Variants in GMDS observed in about 807,000 individuals in gnomAD.
GMDS encodes the protein GDP-mannose 4,6 dehydratase.
Under a neutral mutation model 49.9 loss-of-function variants are expected in GMDS, and 20 were observed. The observed-to-expected ratio is 0.40, with a 90% confidence interval of 0.28 to 0.58. GMDS has a LOEUF of 0.58. GMDS is among the 20% of genes least tolerant of loss of function. The pLI, the probability that GMDS is intolerant of heterozygous loss-of-function variation, is 0.42. For missense variants in GMDS, 362 were observed against 481.4 expected (o/e 0.75, Z 2.32); for synonymous variants, 177 against 178.6 (o/e 0.99, Z 0.07).
chr6:2,009,546 T>A (rs1226484348), intron 4 of GMDS, among the ~76,000 whole-genome samples: 1 of 152,042 alleles, frequency 6.6e-6, no homozygotes, highest in African/African-American at 2.4e-5. Context: ...GGCAGGAGGG[T>A]CTCTTTCACA....
At chr6:2,107,782 C>T (rs1002955217) in intron 4 of GMDS, among the ~76,000 whole-genome samples, 4 of 152,208 alleles carry the variant, frequency 2.6e-5, no homozygotes, top group African/African-American at 7.2e-5. Flanking sequence ...TGTAAGAGAG[C>T]TAATTCTTCT....
intron 4 of GMDS, among the ~76,000 whole-genome samples, chr6:2,093,471 A>T (rs965816882): frequency 1.3e-5 from 2 of 152,202 alleles, no homozygotes; most frequent in Admixed American, 1.3e-4. Flanking sequence ...AAAAACTAGT[A>T]ATAGTTGTTA....
chr6:1,662,888 T>C (rs1475507233), intron 9 of GMDS, among the ~76,000 whole-genome samples: 1 of 152,202 alleles, frequency 6.6e-6, no homozygotes, highest in Non-Finnish European at 1.5e-5. Flanking sequence ...GAATAAAGAA[T>C]GAGCACAGAT....
intron 7 of GMDS, among the ~76,000 whole-genome samples, chr6:1,749,845 T>C (rs1209351291): frequency 6.6e-6 from 1 of 152,170 alleles, no homozygotes. Context: ...TTTTCATTTT[T>C]TTTGTAGACA....
At chr6:1,900,922 C>T (rs966034812) in intron 7 of GMDS, among the ~76,000 whole-genome samples, 1 of 152,192 alleles carries the variant, frequency 6.6e-6, no homozygotes, top group African/African-American at 2.4e-5. Flanking sequence ...CTCAGTTATG[C>T]CAACATGTCG....
intron 7 of GMDS, among the ~76,000 whole-genome samples, chr6:1,827,122 A>C (rs866120968): frequency 1.0e-5 from 1 of 99,372 alleles, no homozygotes. Context: ...GTGTGTGTGT[A>C]TGTGTATCCA....
In GMDS at chr6:1,766,774, T is replaced by C. The variant is rs1178866910; in HGVS notation, c.772-24188A>G. Among the ~76,000 whole-genome samples, 2 of 152,224 alleles carry C rather than the reference T, an allele frequency of 1.3e-5. No individual in the cohort carries two copies. The highest frequency in any genetic ancestry group is 2.4e-5 in the African/African-American group (1 of 41,450). On this transcript the variant is annotated intron_variant, in intron 7 of 10. Transcript: ENST00000380815. The surrounding 1 kb of genome is among the most constrained non-coding windows in gnomAD (Gnocchi z 4.5). The stretch of plus-strand genomic sequence containing the variant: ...CACATCGAACATGCTAAAAACTGCG[T>C]TATGTTTTTTAAAAACCCAACAAAC...
intron 1 of GMDS, among the ~76,000 whole-genome samples, chr6:2,204,474 G>C (rs1329286727): frequency 5.3e-5 from 8 of 152,234 alleles, no homozygotes; most frequent in African/African-American, 1.9e-4. Context: ...TAGGGACAGT[G>C]TTATGATACG....
chr6:1,869,761 C>T (rs1413239023), intron 7 of GMDS, among the ~76,000 whole-genome samples: 4 of 152,210 alleles, frequency 2.6e-5, no homozygotes, highest in African/African-American at 7.2e-5. Context: ...GACCACAGTG[C>T]GGAAAAGGAA....
At chr6:1,734,368 T>C (rs1766931856) in intron 8 of GMDS, among the ~76,000 whole-genome samples, 2 of 152,236 alleles carry the variant, frequency 1.3e-5, no homozygotes, top group Admixed American at 6.5e-5. Flanking sequence ...GATTTCTCTA[T>C]CGTGGGGCCC....
intron 7 of GMDS, among the ~76,000 whole-genome samples, chr6:1,782,106 T>C (rs1287831428): frequency 2.0e-5 from 3 of 152,214 alleles, no homozygotes; most frequent in African/African-American, 7.2e-5. Flanking sequence ...CTATTGAAAC[T>C]GCATGGAAGA....
Position 2,191,826 on chromosome 6 carries a change from AG to A in GMDS, c.102+53494del, listed in dbSNP as rs937171203. 7.2e-5 allele frequency among the ~76,000 whole-genome samples: 11 copies of A among 152,142 alleles called. No homozygotes were observed. Among genetic ancestry groups the A allele is most frequent in the African/African-American group, 2.4e-4 (10 of 41,450 alleles). ...GGAAGCAGACAGGCTCCGGGGTGGAAGGGGGTAGGTCCCTGGTGAGACCCCA... is the reference window on the plus strand; with the variant it reads ...GGAAGCAGACAGGCTCCGGGGTGGAAGGGGTAGGTCCCTGGTGAGACCCCA... On this transcript the variant is annotated intron_variant, in intron 1 of 10. Transcript: ENST00000380815. This position sits in a 1 kb window ranked among gnomAD's most constrained non-coding sequence, Gnocchi z 4.6.
chr6:1,873,034 G>C (rs1334850426), intron 7 of GMDS, among the ~76,000 whole-genome samples: 1 of 152,210 alleles, frequency 6.6e-6, no homozygotes, highest in African/African-American at 2.4e-5. Context: ...TCGTCAGTCT[G>C]CGTGAACTGT....
chr6:2,154,862 G>GAAAAAAA (rs1562103386), intron 1 of GMDS, among the ~76,000 whole-genome samples: 32 of 33,822 alleles, frequency 9.5e-4, no homozygotes, highest in African/African-American at 2.3e-3. Flanking sequence ...TTGAAGAGAT[G>GAAAAAAA]CAAAAAAAAA....
intron 4 of GMDS, among the ~76,000 whole-genome samples, chr6:2,080,579 A>G (rs1032956431): frequency 6.6e-6 from 1 of 152,208 alleles, no homozygotes; most frequent in African/African-American, 2.4e-5. Flanking sequence ...CTTCAGCTGT[A>G]CACAGCACCA....
chr6:2,162,709 C>A (rs954484338), intron 1 of GMDS, among the ~76,000 whole-genome samples: 3 of 132,812 alleles, frequency 2.3e-5, no homozygotes, highest in African/African-American at 8.5e-5. Flanking sequence ...CACACACACA[C>A]AAAACTTTCC....
At chr6:2,225,149 G>A (rs1456663843) in intron 1 of GMDS, among the ~76,000 whole-genome samples, 5 of 147,254 alleles carry the variant, frequency 3.4e-5, no homozygotes, top group Admixed American at 1.4e-4. Context: ...GTGAAACCTC[G>A]TTTCTATAAA....
At chr6:1,881,476 T>G (rs1759360239) in intron 7 of GMDS, among the ~76,000 whole-genome samples, 1 of 152,212 alleles carries the variant, frequency 6.6e-6, no homozygotes, top group Admixed American at 6.5e-5. Context: ...TTAAGGATTT[T>G]GAACTGCCTA....
At chr6:1,709,451 A>G (rs1157011244) in intron 9 of GMDS, among the ~76,000 whole-genome samples, 1 of 152,226 alleles carries the variant, frequency 6.6e-6, no homozygotes, top group Non-Finnish European at 1.5e-5. Flanking sequence ...ATCTGACATG[A>G]CAACAGTGAA....
Sources: gnomAD v4.1 joint callset for allele counts (sites outside exome capture counted in the v4.1 genomes callset) on GRCh38, gnomAD v4.1.1 for gene constraint, Gnocchi (gnomAD v3.1) non-coding constraint, MANE v1.5 for transcripts, NCBI Gene and HGNC (gene_info 2026-07-23, HGNC 2026-07-21) for gene names.